The following QTMAN variants were observed in gnomAD, a reference collection of about 807,000 sequenced individuals.
QTMAN encodes queuosine-tRNA mannosyltransferase.
At chr2:144,008,557 A>T in the QTMAN span, among the ~76,000 whole-genome samples, 1 of 152,088 alleles carries the variant, frequency 6.6e-6, no homozygotes, top group Admixed American at 6.6e-5. Context: ...AGACTGGGCC[A>T]GACTACCAAG....
the QTMAN span, among the ~76,000 whole-genome samples, chr2:144,080,513 T>C: frequency 6.6e-6 from 1 of 152,166 alleles, no homozygotes; most frequent in African/African-American, 2.4e-5. Flanking sequence ...CATAACAATG[T>C]TAACTAAACC....
the QTMAN span, among the ~76,000 whole-genome samples, chr2:144,101,510 T>C: frequency 1.3e-5 from 2 of 152,290 alleles, no homozygotes; most frequent in East Asian, 3.9e-4. Context: ...GTTAGGATTC[T>C]TTACTTGGGA....
the QTMAN span, among the ~76,000 whole-genome samples, chr2:144,144,915 T>C: frequency 6.6e-6 from 1 of 151,848 alleles, no homozygotes; most frequent in African/African-American, 2.4e-5. Flanking sequence ...AGCAAAGCCA[T>C]TTCAGAATTG....
the QTMAN span, among the ~76,000 whole-genome samples, chr2:144,213,613 GTGA>G: frequency 1.3e-5 from 2 of 152,174 alleles, no homozygotes; most frequent in African/African-American, 4.8e-5. Context: ...TATAGTTTCA[GTGA>G]TGATGGTTTT....
At chr2:144,244,254 T>C in the QTMAN span, among the ~76,000 whole-genome samples, 1 of 152,192 alleles carries the variant, frequency 6.6e-6, no homozygotes, top group African/African-American at 2.4e-5. Context: ...GATCTACGTG[T>C]TTCATGTACA....
chr2:144,125,161 G>C, the QTMAN span, among the ~76,000 whole-genome samples: 1 of 151,886 alleles, frequency 6.6e-6, no homozygotes, highest in East Asian at 1.9e-4. Flanking sequence ...CAGCCATTAA[G>C]AGCCAAAAAT....
the QTMAN span, among the ~76,000 whole-genome samples, chr2:144,120,073 T>A: frequency 6.6e-6 from 1 of 152,198 alleles, no homozygotes; most frequent in East Asian, 1.9e-4. Flanking sequence ...TCAGAAATTT[T>A]ATGAAAGAAT....
chr2:143,965,049 T>C, the QTMAN span, among the ~76,000 whole-genome samples: 4 of 151,446 alleles, frequency 2.6e-5, no homozygotes, highest in Non-Finnish European at 5.9e-5. Flanking sequence ...CTTAAGCATT[T>C]TGTTCTTCTT....
chr2:144,148,425 G>A, the QTMAN span, among the ~76,000 whole-genome samples: 1 of 151,708 alleles, frequency 6.6e-6, no homozygotes, highest in African/African-American at 2.4e-5. Context: ...AGATTTCATG[G>A]AGCAAGGCAT....
the QTMAN span, among the ~76,000 whole-genome samples, chr2:144,185,748 T>C: frequency 3.9e-5 from 6 of 152,184 alleles, no homozygotes; most frequent in Non-Finnish European, 5.9e-5. Flanking sequence ...GTACAGCCAC[T>C]AGCAAGCAGG....
chr2:144,109,014 T>TCC, the QTMAN span, among the ~76,000 whole-genome samples: 3 of 152,138 alleles, frequency 2.0e-5, no homozygotes, highest in African/African-American at 7.2e-5. Context: ...TTCAATGCCA[T>TCC]CCCCATCAAG....
the QTMAN span, among the ~76,000 whole-genome samples, chr2:144,098,165 C>T: frequency 2.0e-5 from 3 of 152,194 alleles, no homozygotes; most frequent in Non-Finnish European, 2.9e-5. Flanking sequence ...TATTCTGAGG[C>T]ATTCTGTAAG....
the QTMAN span, among the ~76,000 whole-genome samples, chr2:144,274,670 AC>A: frequency 6.6e-6 from 1 of 152,194 alleles, no homozygotes; most frequent in South Asian, 2.1e-4. Flanking sequence ...TCTGCACCCC[AC>A]CAGACTTGTC....
the QTMAN span, among the ~76,000 whole-genome samples, chr2:144,275,383 CAAA>C: frequency 2.3e-5 from 2 of 87,122 alleles, no homozygotes; most frequent in African/African-American, 4.3e-5. Flanking sequence ...GACTAGGTCT[CAAA>C]AAAAAAAAAA....
the QTMAN span, among the ~76,000 whole-genome samples, chr2:143,996,006 C>T: frequency 6.6e-6 from 1 of 152,110 alleles, no homozygotes; most frequent in Non-Finnish European, 1.5e-5. Flanking sequence ...CACTTATGAT[C>T]ACCACTGCTA....
chr2:144,274,384 A>C, the QTMAN span, among the ~76,000 whole-genome samples: 1 of 152,164 alleles, frequency 6.6e-6, no homozygotes, highest in African/African-American at 2.4e-5. Flanking sequence ...GGTGATTCTT[A>C]CTAGGCTCCT....
the QTMAN span, among the ~76,000 whole-genome samples, chr2:144,010,805 G>C: frequency 1.9e-4 from 29 of 152,238 alleles, no homozygotes; most frequent in Admixed American, 7.2e-4. Flanking sequence ...TACATAATAA[G>C]AGTCTCTAAG....
At chr2:144,294,929 A>G in the QTMAN span, among the ~76,000 whole-genome samples, 1 of 152,202 alleles carries the variant, frequency 6.6e-6, no homozygotes, top group Non-Finnish European at 1.5e-5. Context: ...TTAGGGGATT[A>G]AAGGACCAAA....
At chr2:144,263,041 T>C in the QTMAN span, among the ~76,000 whole-genome samples, 16 of 150,422 alleles carry the variant, frequency 1.1e-4, no homozygotes, top group Non-Finnish European at 2.4e-4. Flanking sequence ...GAATATGGTC[T>C]TCATAGGCCT....
Sources: gnomAD v4.1 joint callset for allele counts (sites outside exome capture counted in the v4.1 genomes callset) on GRCh38, gnomAD v4.1.1 for gene constraint, MANE v1.5 for transcripts, NCBI Gene and HGNC (gene_info 2026-07-23, HGNC 2026-07-21) for gene names.